Variants in STAT3 observed in about 807,000 individuals in gnomAD.
STAT3 encodes signal transducer and activator of transcription 3, also known as DNA-binding protein APRF.
Under a neutral mutation model 114.3 loss-of-function variants are expected in STAT3, and 7 were observed. The ratio of observed to expected loss-of-function variants is 0.06; its 90% CI spans 0.03 to 0.11. STAT3 has a LOEUF of 0.11. Among genes scored for constraint, STAT3 ranks in the 10% least tolerant of loss-of-function variants. The probability of loss-of-function intolerance (pLI) is 1.00; values close to 1 mark genes in which losing one functional copy is unlikely to be tolerated. For missense variants in STAT3, 364 were observed against 960.9 expected, an observed-to-expected ratio of 0.38 and a Z score of 8.21; for synonymous variants, 331 against 354.5, an observed-to-expected ratio of 0.93 and a Z score of 0.74.
intron 4 of STAT3, among the ~76,000 whole-genome samples, chr17:42,341,011 A>G (rs2082423579): frequency 6.6e-6 from 1 of 152,084 alleles, no homozygotes; most frequent in African/African-American, 2.4e-5. Context: ...TCTCTACCCC[A>G]AGATCTAACT....
chr17:42,364,519 C>T (rs2083677506), intron 1 of STAT3, among the ~76,000 whole-genome samples: 2 of 152,158 alleles, frequency 1.3e-5, no homozygotes, highest in Admixed American at 1.3e-4. Context: ...ATCTAAAATG[C>T]TATGTAAGTC....
intron 4 of STAT3, among the ~76,000 whole-genome samples, chr17:42,343,441 T>C (rs1023675822): frequency 2.3e-4 from 35 of 150,110 alleles, no homozygotes; most frequent in Non-Finnish European, 1.2e-4. Flanking sequence ...TTTACTACTA[T>C]GAATCAGATC....
intron 1 of STAT3, among the ~76,000 whole-genome samples, chr17:42,384,253 C>A (rs933243985): frequency 6.6e-6 from 1 of 151,454 alleles, no homozygotes; most frequent in Non-Finnish European, 1.5e-5. Flanking sequence ...CTCAGCCTCC[C>A]GAGTAGCTGG....
intron 1 of STAT3, among the ~76,000 whole-genome samples, chr17:42,355,808 G>T (rs1327707723): frequency 6.6e-6 from 1 of 152,090 alleles, no homozygotes. Context: ...CTTACAAAAG[G>T]GATTTACTAC....
At chr17:42,352,580 A>C (rs2083020999) in intron 1 of STAT3, among the ~76,000 whole-genome samples, 1 of 151,656 alleles carries the variant, frequency 6.6e-6, no homozygotes, top group East Asian at 1.9e-4. Context: ...AATCTGCCTC[A>C]CATGGAGGTT....
intron 1 of STAT3, among the ~76,000 whole-genome samples, chr17:42,382,446 G>C (rs1464868996): frequency 6.6e-6 from 1 of 152,130 alleles, no homozygotes; most frequent in Non-Finnish European, 1.5e-5. Context: ...TTTGACTTCA[G>C]AGCCAGAGTC....
chr17:42,359,676 T>C (rs1598473839), intron 1 of STAT3, among the ~76,000 whole-genome samples: 1 of 152,196 alleles, frequency 6.6e-6, no homozygotes, highest in African/African-American at 2.4e-5. Flanking sequence ...ACACTTGACA[T>C]ACTTATTTGC....
chr17:42,375,173 A>AAACAT (rs1196057714), intron 1 of STAT3, among the ~76,000 whole-genome samples: 1 of 152,204 alleles, frequency 6.6e-6, no homozygotes, highest in Non-Finnish European at 1.5e-5. Context: ...GAAATCTCTA[A>AAACAT]AACATTTTCC....
At chr17:42,316,543 G>T in intron 23 of STAT3, 1 of 1,057,914 alleles carries the variant, frequency 9.5e-7, no homozygotes, top group Non-Finnish European at 1.3e-6. Flanking sequence ...ATGTTAAATT[G>T]AGAGTATGTT....
At chr17:42,379,127 C>T (rs1033981258) in intron 1 of STAT3, among the ~76,000 whole-genome samples, 9 of 152,250 alleles carry the variant, frequency 5.9e-5, no homozygotes, top group African/African-American at 1.2e-4. Context: ...ATGGCTTCTA[C>T]AAAAACTACC....
intron 1 of STAT3, among the ~76,000 whole-genome samples, chr17:42,354,584 G>A (rs1391622209): frequency 2.0e-5 from 3 of 150,424 alleles, no homozygotes; most frequent in Non-Finnish European, 3.0e-5. Context: ...TGAGGTGGGC[G>A]GATCACAAGG....
intron 1 of STAT3, among the ~76,000 whole-genome samples, chr17:42,384,320 T>TG (rs1379997153): frequency 5.9e-5 from 9 of 151,672 alleles, no homozygotes; most frequent in Non-Finnish European, 1.2e-4. Flanking sequence ...TTAGTAGAGA[T>TG]GGGGTTTCAC....
At chr17:42,342,429 G>A (rs1448088273) in intron 4 of STAT3, among the ~76,000 whole-genome samples, 1 of 151,882 alleles carries the variant, frequency 6.6e-6, no homozygotes, top group African/African-American at 2.4e-5. Flanking sequence ...GTTGCAGTGG[G>A]CCGAAATCGC....
chr17:42,333,570 GA>G lies in STAT3; in HGVS notation c.1049+102del. On this transcript the variant is annotated intron_variant, in intron 10 of 23. Coordinates refer to ENST00000264657, the MANE Select transcript of STAT3 (RefSeq NM_139276.3). This position sits in a 1 kb window ranked among gnomAD's most constrained non-coding sequence, Gnocchi z 5.2. ...AACCCCGCAACAGTGTACTGCCTGT[GA>G]CACCACACCTGGAAAGAATGACCCT... is the stretch of plus-strand genomic sequence containing the variant. The G allele has an allele frequency of 7.5e-7, 1 of 1,325,240 alleles. No individual in the cohort carries two copies. The highest frequency in any genetic ancestry group is 1.2e-5 in the South Asian group (1 of 82,510). The allele number at this position is 1,325,240 out of a possible 1,614,324, so 82.1% of individuals were successfully genotyped here.
intron 10 of STAT3, 106 bp from the exon 11 acceptor site, chr17:42,331,637 G>A: frequency 1.1e-6 from 1 of 923,900 alleles, no homozygotes; most frequent in Non-Finnish European, 1.7e-6. Context: ...CAGGTAAATA[G>A]GCCAAGCTGT....
At chr17:42,323,652 G>C in intron 17 of STAT3, 27 bp from the exon 18 acceptor site, 1 of 1,611,938 alleles carries the variant, frequency 6.2e-7, no homozygotes, top group Non-Finnish European at 8.5e-7. Flanking sequence ...GAGTCAAGTA[G>C]TACATTTTCA....
chr17:42,332,058 G>A (rs1160139542), intron 10 of STAT3, among the ~76,000 whole-genome samples: 2 of 151,680 alleles, frequency 1.3e-5, no homozygotes, highest in Admixed American at 1.3e-4. Flanking sequence ...CTCTCAAGTA[G>A]CTGGGATTAC....
chr17:42,355,533 G>A (rs1041237949), intron 1 of STAT3, among the ~76,000 whole-genome samples: 6 of 152,150 alleles, frequency 3.9e-5, no homozygotes, highest in Non-Finnish European at 7.4e-5. Context: ...CAAGGTGGGT[G>A]TAATCCTGTT....
chr17:42,373,551 AAAAAT>A (rs1326045962), intron 1 of STAT3, among the ~76,000 whole-genome samples: 3 of 151,924 alleles, frequency 2.0e-5, no homozygotes, highest in African/African-American at 7.3e-5. Context: ...ACTCTGCCTC[AAAAAT>A]AAAATAAAAT....
Sources: gnomAD v4.1 joint callset for allele counts (sites outside exome capture counted in the v4.1 genomes callset) on GRCh38, gnomAD v4.1.1 for gene constraint, Gnocchi (gnomAD v3.1) non-coding constraint, MANE v1.5 for transcripts, NCBI Gene and HGNC (gene_info 2026-07-23, HGNC 2026-07-21) for gene names.